FOXN3: variants seen among roughly 807,000 people sequenced by gnomAD.
FOXN3 encodes forkhead box protein N3.
FOXN3 carries 7 observed loss-of-function variants against 38.4 expected under a neutral mutation model. The ratio of observed to expected loss-of-function variants is 0.18; its 90% CI spans 0.10 to 0.34. The LOEUF is 0.34. FOXN3 is among the 10% of genes least tolerant of loss of function. The probability of loss-of-function intolerance (pLI) is 1.00; values close to 1 mark genes in which losing one functional copy is unlikely to be tolerated. For synonymous variants in FOXN3, 230 were observed against 242.2 expected, an observed-to-expected ratio of 0.95 and a Z score of 0.47; for missense variants, 456 against 613.4, an observed-to-expected ratio of 0.74 and a Z score of 2.71.
At position 89,162,159 on chromosome 14, in the gene FOXN3, A is replaced by G. The variant is rs562009009; in HGVS notation, c.*255T>C. The G allele has an allele frequency of 1.2e-5, 4 of 323,288 alleles. No homozygotes were observed. The South Asian group carries it at 3.5e-4, about 28-fold the overall frequency. 20.0% of individuals were successfully genotyped at this position (323,288 alleles called of 1,614,324 possible). A position where few individuals can be genotyped will look rare whatever the true frequency, so the allele number is the denominator to read the frequency against. ...TTCGGTTTTGTCTTCAGATAATGAA[A>G]AGCTTTTGTAAAACAGCTGAGTGTC... On this transcript the variant is annotated 3_prime_UTR_variant, in exon 6 of 6. Coordinates refer to ENST00000557258, the MANE Select transcript of FOXN3 (RefSeq NM_005197.4). The surrounding 1 kb of genome is among the most constrained non-coding windows in gnomAD (Gnocchi z 7.2).
intron 4 of FOXN3, among the ~76,000 whole-genome samples, chr14:89,266,336 T>G (rs919598413): frequency 6.6e-6 from 1 of 152,170 alleles, no homozygotes; most frequent in Admixed American, 6.5e-5. Flanking sequence ...ATTCCTGGTA[T>G]CTCTTCTTAC....
intron 1 of FOXN3, among the ~76,000 whole-genome samples, chr14:89,550,431 A>G (rs949161015): frequency 6.6e-6 from 1 of 152,204 alleles, no homozygotes; most frequent in African/African-American, 2.4e-5. Flanking sequence ...TTTCCTGGAC[A>G]ATCTACTGAA....
At chr14:89,426,360 G>T (rs970054232) in intron 1 of FOXN3, among the ~76,000 whole-genome samples, 1 of 149,878 alleles carries the variant, frequency 6.7e-6, no homozygotes, top group Non-Finnish European at 1.5e-5. Flanking sequence ...TGAGTAGCTG[G>T]GATTACAGGC....
intron 4 of FOXN3, among the ~76,000 whole-genome samples, chr14:89,205,318 C>T (rs1172703504): frequency 6.6e-6 from 1 of 152,040 alleles, no homozygotes; most frequent in African/African-American, 2.4e-5. Context: ...GAGGGAGGGG[C>T]CCTCATGATG....
At chr14:89,243,809 T>C (rs947821004) in intron 4 of FOXN3, among the ~76,000 whole-genome samples, 1 of 152,334 alleles carries the variant, frequency 6.6e-6, no homozygotes, top group African/African-American at 2.4e-5. Context: ...GGGAGTGGCA[T>C]GAATGGGCAC....
At chr14:89,491,951 A>C (rs780261980) in intron 1 of FOXN3, among the ~76,000 whole-genome samples, 5 of 152,236 alleles carry the variant, frequency 3.3e-5, no homozygotes, top group Admixed American at 6.5e-5. Flanking sequence ...AAAAGAGTTA[A>C]AATAGCATAG....
chr14:89,586,843 A>G (rs967517016), intron 1 of FOXN3, among the ~76,000 whole-genome samples: 8 of 152,344 alleles, frequency 5.3e-5, no homozygotes, highest in African/African-American at 1.7e-4. Flanking sequence ...TTTTCCTATC[A>G]ATGCAAAAAG....
chr14:89,327,056 T>C (rs1374124443), intron 3 of FOXN3, among the ~76,000 whole-genome samples: 1 of 149,300 alleles, frequency 6.7e-6, no homozygotes, highest in Non-Finnish European at 1.5e-5. Flanking sequence ...CTCCAAGAGA[T>C]GAGTCCAATT....
At chr14:89,602,132 T>C (rs890439780) in intron 1 of FOXN3, among the ~76,000 whole-genome samples, 1 of 151,900 alleles carries the variant, frequency 6.6e-6, no homozygotes, top group Non-Finnish European at 1.5e-5. Context: ...CCACAAAAAA[T>C]ACAAAAATTA....
chr14:89,560,273 G>T (rs1371739978), intron 1 of FOXN3, among the ~76,000 whole-genome samples: 1 of 152,120 alleles, frequency 6.6e-6, no homozygotes, highest in Non-Finnish European at 1.5e-5. Context: ...CAACACTGGG[G>T]ATTACAGTTC....
chr14:89,540,669 C>T (rs775821821), intron 1 of FOXN3, among the ~76,000 whole-genome samples: 21 of 146,130 alleles, frequency 1.4e-4, no homozygotes, highest in Non-Finnish European at 2.4e-4. Flanking sequence ...AACTGGGAGG[C>T]GGAGGCTGTA....
At chr14:89,199,375 G>A (rs1382005052) in intron 4 of FOXN3, among the ~76,000 whole-genome samples, 5 of 152,258 alleles carry the variant, frequency 3.3e-5, no homozygotes, top group South Asian at 2.1e-4. Context: ...GTGATTTTAC[G>A]CATCATCTTT....
chr14:89,289,428 G>A (rs1886792656), intron 3 of FOXN3, among the ~76,000 whole-genome samples: 1 of 152,106 alleles, frequency 6.6e-6, no homozygotes, highest in African/African-American at 2.4e-5. Context: ...CATTTAACAT[G>A]TTCAAAATTG....
At chr14:89,472,640 G>A (rs1179754294) in intron 1 of FOXN3, among the ~76,000 whole-genome samples, 4 of 147,838 alleles carry the variant, frequency 2.7e-5, no homozygotes, top group Non-Finnish European at 4.4e-5. Context: ...AGAATGGTGT[G>A]AACCCAGGAG....
intron 1 of FOXN3, among the ~76,000 whole-genome samples, chr14:89,560,054 T>C (rs961604213): frequency 6.6e-6 from 1 of 152,146 alleles, no homozygotes. Context: ...ACAGGAAGCA[T>C]GGCTGGGGAG....
chr14:89,530,396 A>G (rs1307829241), intron 1 of FOXN3, among the ~76,000 whole-genome samples: 1 of 152,120 alleles, frequency 6.6e-6, no homozygotes, highest in Non-Finnish European at 1.5e-5. Flanking sequence ...TCCCCTTTAT[A>G]AAACCATCAG....
intron 5 of FOXN3, among the ~76,000 whole-genome samples, chr14:89,174,624 T>C (rs572515556): frequency 2.0e-5 from 3 of 152,184 alleles, no homozygotes; most frequent in Non-Finnish European, 2.9e-5. Context: ...ACGAACGTCA[T>C]TGATATGAAA....
At chr14:89,217,966 T>C (rs989384962) in intron 4 of FOXN3, among the ~76,000 whole-genome samples, 1 of 152,256 alleles carries the variant, frequency 6.6e-6, no homozygotes, top group Non-Finnish European at 1.5e-5. Context: ...GCAATCATCA[T>C]TTGTACCTTT....
intron 1 of FOXN3, among the ~76,000 whole-genome samples, chr14:89,497,404 CTTTTTT>C (rs71107518): frequency 1.2e-5 from 1 of 86,904 alleles, no homozygotes; most frequent in Admixed American, 1.2e-4. Context: ...GTATAAATAT[CTTTTTT>C]TTTTTTTTTT....
Sources: allele counts gnomAD v4.1 joint callset (sites outside exome capture counted in the v4.1 genomes callset), GRCh38; gene constraint gnomAD v4.1.1; non-coding constraint Gnocchi (gnomAD v3.1); transcripts MANE v1.5; gene names NCBI Gene and HGNC (gene_info 2026-07-23, HGNC 2026-07-21).